ODC1: variants seen among roughly 807,000 people sequenced by gnomAD.
ODC1 encodes ornithine decarboxylase.
In ODC1, 18 loss-of-function variants were observed where a neutral mutation model predicts 41.5. That is an observed-to-expected ratio of 0.43 (90% CI 0.30 to 0.64). The LOEUF (loss-of-function observed/expected upper bound fraction) is 0.64. ODC1 is among the 30% of genes least tolerant of loss of function. The pLI is 0.11. For synonymous variants in ODC1, 218 were observed against 211.6 expected (o/e 1.03, Z -0.26); for missense variants, 504 against 589.0 (o/e 0.86, Z 1.49).
chr2:10,443,632 A>T, intron 6 of ODC1, 61 bp from the exon 7 acceptor site: 1 of 1,607,092 alleles, frequency 6.2e-7, no homozygotes, highest in Non-Finnish European at 8.5e-7. Flanking sequence ...AATAGCAAAC[A>T]CTAGGAGAAA....
chr2:10,444,728 C>A, intron 3 of ODC1, 81 bp from the exon 4 acceptor site: 2 of 1,257,516 alleles, frequency 1.6e-6, no homozygotes, highest in South Asian at 1.4e-5. Flanking sequence ...TCATTCCCAT[C>A]AGTCACAATG....
chr2:10,442,111 T>A lies in ODC1; in HGVS notation c.814A>T (p.Ile272Leu). The A allele has an allele frequency of 6.2e-7, 1 of 1,614,170 alleles. No homozygotes were observed. The highest frequency in any genetic ancestry group is 8.5e-7 in the Non-Finnish European group (1 of 1,180,012). The change falls in exon 9 of 12, where the codon ATA (isoleucine) becomes TTA (leucine). Residue 272 changes from isoleucine (I) to leucine (L), a missense_variant. By Grantham distance (5) the Ile-to-Leu change is conservative. Around this residue, in one of 3 missense-constraint regions of ODC1, gnomAD observed 447 missense variants for 524.4 expected, o/e 0.85. Coordinates refer to ENST00000234111, the MANE Select transcript of ODC1 (RefSeq NM_002539.3). ...YFPSDSGVRI[I>L]AEPGRYYVAS... ...ACATAGTATCTGCCGGGCTCAGCTA[T>A]GATTCTCACTCCAGAGTCTGACGGA... is the stretch of plus-strand genomic sequence containing the variant.
intron 3 of ODC1, 126 bp downstream of exon 3, chr2:10,444,805 G>T: frequency 3.5e-6 from 3 of 846,248 alleles, no homozygotes; most frequent in Non-Finnish European, 5.6e-6. Flanking sequence ...TTTACCACCA[G>T]TGAATTAATT....
intron 8 of ODC1, among the ~76,000 whole-genome samples, 158 bp downstream of exon 8, chr2:10,443,072 C>CA (rs1225154972): frequency 2.0e-5 from 3 of 152,174 alleles, no homozygotes; most frequent in African/African-American, 7.2e-5. Flanking sequence ...CAAATGGTAT[C>CA]AAGTGTAATG....
chr2:10,443,129 C>T (rs1415323306), intron 8 of ODC1, 101 bp downstream of exon 8: 3 of 861,444 alleles, frequency 3.5e-6, no homozygotes, highest in Non-Finnish European at 5.8e-6. Flanking sequence ...CAAGACACTT[C>T]AGCCCATTGT....
rs1572140283 is a variant in ODC1, at chr2:10,440,584, T to C, written c.*140A>G. On this transcript the variant is annotated 3_prime_UTR_variant, in exon 12 of 12. Coordinates refer to ENST00000234111, the MANE Select transcript of ODC1 (RefSeq NM_002539.3). Reference sequence around the variant, plus strand: ...GGAACACAGATAAGTGTGACCCATATCCTAGTCTTCCATATGGCTGCATCA... The same window carrying C: ...GGAACACAGATAAGTGTGACCCATACCCTAGTCTTCCATATGGCTGCATCA... 2.7e-6 allele frequency: 2 copies of C among 732,698 alleles called. No individual in the cohort carries two copies. Among genetic ancestry groups the C allele is most frequent in the Non-Finnish European group, 4.4e-6 (2 of 452,752 alleles). The allele number at this position is 732,698 out of a possible 1,614,324, so 45.4% of individuals were successfully genotyped here. A position where few individuals can be genotyped will look rare whatever the true frequency, so the allele number is the denominator to read the frequency against.
chr2:10,440,996 A>G, intron 11 of ODC1, 128 bp from the exon 12 acceptor site: 1 of 1,079,776 alleles, frequency 9.3e-7, no homozygotes, highest in Non-Finnish European at 1.3e-6. Flanking sequence ...TTTCTCTGTT[A>G]CTCAGGCTGG....
At position 10,444,358 on chromosome 2, in the gene ODC1, G is replaced by C. The variant is rs1165531980; in HGVS notation, c.277-91C>G. 7.3e-6 allele frequency: 11 copies of C among 1,497,026 alleles called. No homozygotes were observed. In the South Asian group the frequency reaches 1.3e-4, roughly 18 times the overall value. 92.7% of individuals were successfully genotyped at this position (1,497,026 alleles called of 1,614,324 possible). ...ATGGGAAGTTGTCATGTACCCCCCC[G>C]CCCCATTTGCCTTTAGTGAGCATTT... On this transcript the variant is annotated intron_variant, in intron 4 of 11. Transcript: ENST00000234111.
At chr2:10,444,014 A>G in intron 5 of ODC1, 81 bp downstream of exon 5, 2 of 1,488,728 alleles carry the variant, frequency 1.3e-6, no homozygotes, top group Non-Finnish European at 1.8e-6. Flanking sequence ...GAAATATAAT[A>G]ATCAGAAATT....
In ODC1 at chr2:10,446,685, T is replaced by A. The variant is rs7558222; in HGVS notation, c.-127-1421A>T. On this transcript the variant is annotated intron_variant, in intron 1 of 11. Coordinates refer to ENST00000234111, the MANE Select transcript of ODC1 (RefSeq NM_002539.3). ...AATTATTTATTTTAACCTTTAAAAA[T>A]TTCTGCCAGGTAGAGCTTTCTTCTT... 767 of 393,612 alleles carry A rather than the reference T, an allele frequency of 1.9e-3. 12 individuals carry two copies. Among genetic ancestry groups the A allele is most frequent in the African/African-American group, 0.016 (719 of 44,510 alleles). 24.4% of individuals were successfully genotyped at this position (393,612 alleles called of 1,614,324 possible).
At position 10,443,253 on chromosome 2, in the gene ODC1, C is replaced by G. The variant is rs756265506; in HGVS notation, c.727G>C (p.Asp243His). 10 of 1,612,546 alleles carry G rather than the reference C, an allele frequency of 6.2e-6. No homozygotes were observed. The highest frequency in any genetic ancestry group is 8.5e-6 in the Non-Finnish European group (10 of 1,179,646). Residue 243 changes from aspartate to histidine, a missense_variant, in exon 8 of 12, where the codon GAT becomes CAT. Physicochemically the swap from Asp to His is moderately conservative, Grantham distance 81. Coordinates refer to ENST00000234111, the MANE Select transcript of ODC1 (RefSeq NM_002539.3). Reference protein sequence around the residue: ...DIGGGFPGSEDVKLKFEEITG... With the variant: ...DIGGGFPGSEHVKLKFEEITG... ...ACCTCTTCAAATTTAAGTTTCACAT[C>G]CTCAGATCCAGGAAAGCCACCGCCA... is the stretch of plus-strand genomic sequence containing the variant.
At position 10,441,621 on chromosome 2, in the gene ODC1, C is replaced by A; in HGVS notation, c.1129G>T (p.Val377Leu). The part of the protein sequence containing the change: ...VERCDLPEMH[V>L]GDWMLFENMG... ...TTTTCAAAGAGCATCCAATCACCCACATGCATTTCAGGCAGGTCACAGCGC... is the reference window on the plus strand; with the variant it reads ...TTTTCAAAGAGCATCCAATCACCCAAATGCATTTCAGGCAGGTCACAGCGC... Residue 377 changes from valine to leucine, a missense_variant, in exon 11 of 12, where the codon GTG becomes TTG. Val to Leu is a conservative substitution (Grantham distance 32, BLOSUM62 1). Coordinates refer to ENST00000234111, the MANE Select transcript of ODC1 (RefSeq NM_002539.3). 1 of 1,614,228 alleles carries A rather than the reference C, an allele frequency of 6.2e-7. No homozygotes were observed. Among genetic ancestry groups the A allele is most frequent in the Non-Finnish European group, 8.5e-7 (1 of 1,180,042 alleles).
At chr2:10,444,847 A>G (rs1572145970) in intron 3 of ODC1, 84 bp downstream of exon 3, 2 of 999,868 alleles carry the variant, frequency 2.0e-6, no homozygotes, top group South Asian at 2.8e-5. Flanking sequence ...TGTAAGCCTC[A>G]TTGCTCTTCC....
Position 10,445,278 on chromosome 2 carries a change from T to C in ODC1, c.-127-14A>G, listed in dbSNP as rs2148071153. On this transcript the variant is annotated splice_polypyrimidine_tract_variant and intron_variant, in intron 1 of 11. Coordinates refer to ENST00000234111, the MANE Select transcript of ODC1 (RefSeq NM_002539.3). ...AGCAGTGACAATCTGAGAAATAAAATAGGGAATTTGCTGTCTACCTTAGGA... is the reference window on the plus strand; with the variant it reads ...AGCAGTGACAATCTGAGAAATAAAACAGGGAATTTGCTGTCTACCTTAGGA... 1 of 416,046 alleles carries C rather than the reference T, an allele frequency of 2.4e-6. No homozygotes were observed. The highest frequency in any genetic ancestry group is 4.5e-6 in the Non-Finnish European group (1 of 224,596). The allele number at this position is 416,046 out of a possible 1,614,324, so 25.8% of individuals were successfully genotyped here.
intron 3 of ODC1, 67 bp downstream of exon 3, chr2:10,444,864 C>T (rs1671955883): frequency 1.7e-6 from 2 of 1,195,458 alleles, no homozygotes; most frequent in African/African-American, 3.0e-5. Context: ...TTCCTTAGAC[C>T]TTGCCAAAGT....
Position 10,440,755 on chromosome 2 carries a change from G to T in ODC1, c.1355C>A (p.Ala452Glu). The T allele has an allele frequency of 6.2e-7, 1 of 1,614,114 alleles. No homozygotes were observed. The highest frequency in any genetic ancestry group is 1.1e-5 in the South Asian group (1 of 91,080). The change falls in exon 12 of 12, where the codon GCA becomes GAA. Residue 452 changes from alanine to glutamate, a missense_variant. Ala to Glu is a moderately radical substitution (Grantham distance 107). Transcript: ENST00000234111. ...ATTAATACTAGCCGAAGCACAGGCT[G>T]CTCTGTGGCGTTTCATCCCACTCTC... is the stretch of plus-strand genomic sequence containing the variant. Reference protein sequence around the residue: ...AWESGMKRHRAACASASINV With the variant: ...AWESGMKRHREACASASINV
At chr2:10,444,887 T>C in intron 3 of ODC1, 44 bp downstream of exon 3, 1 of 1,406,626 alleles carries the variant, frequency 7.1e-7, no homozygotes, top group Non-Finnish European at 1.0e-6. Context: ...TCCACTTGCC[T>C]GGCACTCTCA....
chr2:10,448,038 CGTGCCCG>C (rs1672093799), intron 1 of ODC1, 76 bp downstream of exon 1: 1 of 155,456 alleles, frequency 6.4e-6, no homozygotes, highest in Non-Finnish European at 1.4e-5. Flanking sequence ...GCGCCGCACA[CGTGCCCG>C]GGGCCCGGGG....
At chr2:10,441,097 C>G (rs1293078003) in intron 11 of ODC1, among the ~76,000 whole-genome samples, 1 of 152,124 alleles carries the variant, frequency 6.6e-6, no homozygotes, top group Non-Finnish European at 1.5e-5. Flanking sequence ...GGACTACAGG[C>G]GCCCACTACC....
Sources: gnomAD v4.1 joint callset for allele counts (sites outside exome capture counted in the v4.1 genomes callset) on GRCh38, gnomAD v4.1.1 for gene constraint, gnomAD v4.1.1 regional missense constraint, MANE v1.5 for transcripts, NCBI Gene and HGNC (gene_info 2026-07-23, HGNC 2026-07-21) for gene names.